The following TBC1D30 variants were observed in gnomAD, a reference collection of about 807,000 sequenced individuals.
TBC1D30 encodes the protein TBC1 domain family, member 30.
In TBC1D30, 31 loss-of-function variants were observed where a neutral mutation model predicts 63.2. The observed-to-expected ratio is 0.49, with a 90% CI of 0.37 to 0.66. The LOEUF (loss-of-function observed/expected upper bound fraction) is 0.66, where lower values mean the gene tolerates loss of function less well. Among genes scored for constraint, TBC1D30 ranks in the 30% least tolerant of loss-of-function variants. The probability of loss-of-function intolerance (pLI) is 0.00; values close to 1 mark genes in which losing one functional copy is unlikely to be tolerated. For missense variants in TBC1D30, 810 were observed against 953.6 expected, an observed-to-expected ratio of 0.85 and a Z score of 1.98; for synonymous variants, 307 against 361.5, an observed-to-expected ratio of 0.85 and a Z score of 1.71.
At chr12:64,773,633 G>A (rs1870981576) in intron 1 of TBC1D30, among the ~76,000 whole-genome samples, 1 of 152,212 alleles carries the variant, frequency 6.6e-6, no homozygotes, top group Non-Finnish European at 1.5e-5. Context: ...TCAGAGGAAG[G>A]GGTGGGCTGC....
At chr12:64,810,621 A>C (rs933329511) in intron 2 of TBC1D30, among the ~76,000 whole-genome samples, 2 of 147,936 alleles carry the variant, frequency 1.4e-5, no homozygotes, top group African/African-American at 2.5e-5. Context: ...AAACAAAACC[A>C]AAAAAAAAAC....
chr12:64,825,015 CT>C lies in TBC1D30; in HGVS notation c.137del (p.Leu46ArgfsTer12). 1 of 1,533,498 alleles carries C rather than the reference CT, an allele frequency of 6.5e-7. No homozygotes were observed. The highest frequency in any genetic ancestry group is 8.7e-7 in the Non-Finnish European group (1 of 1,146,230). 95.0% of individuals were successfully genotyped at this position (1,533,498 alleles called of 1,614,324 possible). ...SCISRTAPRL[L>X]CTLEPGVDTK... is the part of the protein sequence containing the mutation. ...CATTTCCCGGACCGCGCCCCGGCTG[CT>C]GTGCACCCTGGAGCCGGGTGAGGAC... On this transcript the variant is annotated frameshift_variant, in exon 1 of 12. Coordinates refer to ENST00000539867, the MANE Select transcript of TBC1D30 (RefSeq NM_015279.2). LOFTEE classifies it high-confidence loss of function.
At chr12:64,839,897 C>T (rs746061809) in intron 7 of TBC1D30, among the ~76,000 whole-genome samples, 32 of 150,212 alleles carry the variant, frequency 2.1e-4, no homozygotes, top group African/African-American at 6.2e-4. Context: ...CCCAGCTACT[C>T]GGGAGGCTGA....
At chr12:64,760,653 G>C (rs1870470196) in intron 1 of TBC1D30, among the ~76,000 whole-genome samples, 1 of 151,934 alleles carries the variant, frequency 6.6e-6, no homozygotes, top group Non-Finnish European at 1.5e-5. Flanking sequence ...CTCCTTGCTG[G>C]TAAAAGTATT....
At chr12:64,811,070 T>C (rs1386537224) in intron 2 of TBC1D30, among the ~76,000 whole-genome samples, 1 of 152,228 alleles carries the variant, frequency 6.6e-6, no homozygotes, top group Non-Finnish European at 1.5e-5. Context: ...GGAATCAAGT[T>C]GTATACCAAA....
intron 11 of TBC1D30, among the ~76,000 whole-genome samples, chr12:64,873,460 G>A (rs1011541133): frequency 2.6e-5 from 4 of 152,140 alleles, no homozygotes; most frequent in African/African-American, 7.2e-5. Flanking sequence ...TACTAGCAAT[G>A]TGTGACAAAG....
intron 2 of TBC1D30, among the ~76,000 whole-genome samples, chr12:64,810,965 A>G (rs1458574727): frequency 2.6e-5 from 4 of 152,194 alleles, no homozygotes; most frequent in Non-Finnish European, 5.9e-5. Context: ...TTTGCTGCCT[A>G]CTAGCTTCAC....
At chr12:64,835,742 A>G (rs1020758815) in intron 5 of TBC1D30, among the ~76,000 whole-genome samples, 1 of 152,126 alleles carries the variant, frequency 6.6e-6, no homozygotes, top group Non-Finnish European at 1.5e-5. Flanking sequence ...ATGGAAATAC[A>G]TGGTTCCAGG....
chr12:64,824,391 G>T (rs1217548288), upstream of TBC1D30, among the ~76,000 whole-genome samples: 1 of 152,126 alleles, frequency 6.6e-6, no homozygotes, highest in South Asian at 2.1e-4. Context: ...TGAGACTGGC[G>T]CCCCTTGGTG....
In TBC1D30 at chr12:64,814,637, T is replaced by C. The variant is rs139144125; in HGVS notation, c.644-13198T>C. ...CTGGCACTGGGCCATACTGATGCAC[T>C]GCCAAGTGACACTCTGTTGTAAGCA... is the stretch of plus-strand genomic sequence containing the variant. On this transcript the variant is annotated intron_variant, in intron 2 of 12. Coordinates refer to the TBC1D30 transcript ENST00000542120. Among the ~76,000 whole-genome samples, 238 of 152,328 alleles carry C rather than the reference T, an allele frequency of 1.6e-3. 6 individuals are homozygous for C. In the East Asian group the frequency reaches 0.043, roughly 27 times the overall value.
intron 11 of TBC1D30, among the ~76,000 whole-genome samples, chr12:64,871,438 T>C (rs1255742828): frequency 6.6e-6 from 1 of 152,224 alleles, no homozygotes; most frequent in East Asian, 1.9e-4. Flanking sequence ...GGAGTTGTTT[T>C]TTCTTGCTTG....
At chr12:64,783,063 A>G (rs1219570145) in intron 1 of TBC1D30, among the ~76,000 whole-genome samples, 3 of 152,148 alleles carry the variant, frequency 2.0e-5, no homozygotes, top group Non-Finnish European at 4.4e-5. Flanking sequence ...ATTCCCCCCA[A>G]TATAACTACT....
At chr12:64,806,727 C>T (rs1308048985) in intron 2 of TBC1D30, among the ~76,000 whole-genome samples, 1 of 152,154 alleles carries the variant, frequency 6.6e-6, no homozygotes, top group Non-Finnish European at 1.5e-5. Flanking sequence ...TTTGCACATC[C>T]ACGTTCATAG....
chr12:64,866,864 C>T lies in TBC1D30; in HGVS notation c.1252C>T (p.Leu418=), dbSNP rs1412631737. 1.3e-6 allele frequency: 2 copies of T among 1,536,190 alleles called. No individual in the cohort carries two copies. The highest frequency in any genetic ancestry group is 1.2e-5 in the South Asian group (1 of 84,058). Residue 418 remains leucine, a synonymous_variant, in exon 10 of 12, where the codon CTG becomes TTG. Transcript: ENST00000539867. ...GTGTCTTGGACCTTTTAGTGGGTTCCTGGCTCCTGAACTGCAGAAGTACCA... is the reference window on the plus strand; with the variant it reads ...GTGTCTTGGACCTTTTAGTGGGTTCTTGGCTCCTGAACTGCAGAAGTACCA... ...VGCLGPFSGF[L]APELQKYQKQ...
At chr12:64,798,997 T>C (rs1312106969) in intron 2 of TBC1D30, among the ~76,000 whole-genome samples, 3 of 151,976 alleles carry the variant, frequency 2.0e-5, no homozygotes, top group African/African-American at 7.3e-5. Flanking sequence ...TATTTTTTAG[T>C]AGAGACGGGG....
At chr12:64,851,186 GGTCT>G (rs1247761851) in intron 8 of TBC1D30, among the ~76,000 whole-genome samples, 16 of 151,870 alleles carry the variant, frequency 1.1e-4, no homozygotes, top group Non-Finnish European at 1.5e-4. Context: ...TCTGGCTAGC[GGTCT>G]GTCTATTTTG....
intron 2 of TBC1D30, among the ~76,000 whole-genome samples, chr12:64,813,578 AT>A (rs1319020229): frequency 1.3e-5 from 2 of 152,184 alleles, no homozygotes; most frequent in Non-Finnish European, 2.9e-5. Flanking sequence ...GACTGCCATT[AT>A]ATCTAGAATT....
chr12:64,834,204 CTTCTGATG>C (rs900187634), intron 5 of TBC1D30, among the ~76,000 whole-genome samples: 3 of 152,100 alleles, frequency 2.0e-5, no homozygotes, highest in African/African-American at 7.2e-5. Context: ...TGAAGAAACA[CTTCTGATG>C]TTGAGGAAAA....
intron 2 of TBC1D30, chr12:64,818,473 C>T: frequency 5.6e-6 from 5 of 894,032 alleles, no homozygotes; most frequent in Non-Finnish European, 6.7e-6. Context: ...CGTGCTGTTG[C>T]CAGGCTGGAA....
Sources: gnomAD v4.1 joint callset for allele counts (sites outside exome capture counted in the v4.1 genomes callset) on GRCh38, gnomAD v4.1.1 for gene constraint, MANE v1.5 for transcripts, NCBI Gene and HGNC (gene_info 2026-07-23, HGNC 2026-07-21) for gene names.